PAQR5: variants seen among roughly 807,000 people sequenced by gnomAD.
PAQR5 encodes the protein progestin and adipoQ receptor family member 5.
A neutral mutation model predicts 34.5 loss-of-function variants in PAQR5; 20 were observed. That is an observed-to-expected ratio of 0.58 (90% CI 0.41 to 0.84). The LOEUF (loss-of-function observed/expected upper bound fraction) is 0.84. Among genes scored for constraint, PAQR5 ranks in the 40% least tolerant of loss-of-function variants. The pLI, the probability that PAQR5 is intolerant of heterozygous loss-of-function variation, is 0.00. For missense variants in PAQR5, 378 were observed against 412.7 expected (o/e 0.92, Z 0.73); for synonymous variants, 131 against 155.6 (o/e 0.84, Z 1.18).
At chr15:69,314,017 C>T (rs1029661306) in intron 1 of PAQR5, among the ~76,000 whole-genome samples, 1 of 152,060 alleles carries the variant, frequency 6.6e-6, no homozygotes, top group Non-Finnish European at 1.5e-5. Flanking sequence ...AACTGTTCTC[C>T]CAGATCAGGG....
At chr15:69,319,838 G>A (rs1045259218) in intron 1 of PAQR5, among the ~76,000 whole-genome samples, 11 of 152,306 alleles carry the variant, frequency 7.2e-5, no homozygotes, top group Non-Finnish European at 1.2e-4. Flanking sequence ...TGCTCTCAGC[G>A]GTTGCATGGC....
chr15:69,399,280 C>G (rs1034815961), intron 7 of PAQR5, among the ~76,000 whole-genome samples: 1 of 152,196 alleles, frequency 6.6e-6, no homozygotes, highest in African/African-American at 2.4e-5. Context: ...TGGGTTGGAA[C>G]TTTACATGGA....
rs376270251 is a variant in PAQR5 at position 69,385,622 on chromosome 15, T to TC, written c.385+740_385+741insC. On this transcript the variant is annotated intron_variant, in intron 5 of 8. Transcript: ENST00000395407. The surrounding 1 kb of genome is among the most constrained non-coding windows in gnomAD (Gnocchi z 4.7). Reference sequence around the variant, plus strand: ...GGGCATGCATCTATCCCTAAGGATATGAGTTCTAGATTCTTCCTCCAGGTC... The same window carrying TC: ...GGGCATGCATCTATCCCTAAGGATATCGAGTTCTAGATTCTTCCTCCAGGTC... Among the ~76,000 whole-genome samples, 503 of 152,266 alleles carry TC rather than the reference T, an allele frequency of 3.3e-3. 5 individuals are homozygous for TC. The highest frequency in any genetic ancestry group is 0.012 in the African/African-American group (480 of 41,528).
chr15:69,367,495 G>A (rs1286420475), intron 3 of PAQR5, among the ~76,000 whole-genome samples: 4 of 152,162 alleles, frequency 2.6e-5, no homozygotes, highest in Non-Finnish European at 5.9e-5. Flanking sequence ...TAAGTGGTCA[G>A]TGAGGGACTG....
intron 1 of PAQR5, among the ~76,000 whole-genome samples, chr15:69,311,166 T>G (rs1160992836): frequency 3.3e-5 from 5 of 151,708 alleles, no homozygotes; most frequent in Admixed American, 3.3e-4. Flanking sequence ...GACCAGGGCT[T>G]GTCCTTAGGC....
chr15:69,345,331 A>G (rs926649312), intron 2 of PAQR5, among the ~76,000 whole-genome samples: 9 of 152,198 alleles, frequency 5.9e-5, no homozygotes, highest in Non-Finnish European at 4.4e-5. Context: ...GGACTCTCTC[A>G]TTGGGAAAAT....
intron 6 of PAQR5, 50 bp downstream of exon 6, chr15:69,389,830 C>A: frequency 6.2e-7 from 1 of 1,602,092 alleles, no homozygotes. Flanking sequence ...GTCTTGCATG[C>A]AGCTCCCTGC....
intron 2 of PAQR5, among the ~76,000 whole-genome samples, chr15:69,337,794 T>G (rs2054544629): frequency 6.6e-6 from 1 of 152,074 alleles, no homozygotes; most frequent in South Asian, 2.1e-4. Context: ...CTATCATGAC[T>G]TGCTTTTAAA....
intron 1 of PAQR5, among the ~76,000 whole-genome samples, chr15:69,316,537 G>C (rs775212615): frequency 6.6e-6 from 1 of 151,132 alleles, no homozygotes; most frequent in African/African-American, 2.4e-5. Context: ...TACGATATTG[G>C]GTTAGCGGGA....
intron 1 of PAQR5, chr15:69,314,670 T>G (rs2053905188): frequency 6.6e-6 from 1 of 151,870 alleles, no homozygotes; most frequent in Non-Finnish European, 1.5e-5. Flanking sequence ...CTGGGCAGTG[T>G]GCTGGGGAGG....
chr15:69,396,433 C>T (rs181414799), intron 6 of PAQR5, among the ~76,000 whole-genome samples: 5 of 152,206 alleles, frequency 3.3e-5, no homozygotes, highest in Admixed American at 2.6e-4. Context: ...ATTGCCTTTA[C>T]AGACTGCATC....
chr15:69,390,344 A>AT (rs201375546), intron 6 of PAQR5, among the ~76,000 whole-genome samples: 19,044 of 118,918 alleles, frequency 0.16, 1,696 homozygotes, highest in Middle Eastern at 0.22. Context: ...TTATTTATTT[A>AT]TTTATTTATT....
chr15:69,365,397 C>T (rs139177454), intron 3 of PAQR5, among the ~76,000 whole-genome samples: 2,570 of 152,322 alleles, frequency 0.017, 26 homozygotes, highest in Middle Eastern at 0.034. Flanking sequence ...CGTGAGCCAC[C>T]GTGCCCAGCC....
intron 8 of PAQR5, among the ~76,000 whole-genome samples, chr15:69,402,891 T>C (rs1456168980): frequency 1.3e-5 from 2 of 152,212 alleles, no homozygotes; most frequent in African/African-American, 2.4e-5. Flanking sequence ...CACGTCCCTG[T>C]CCCTGTCACT....
At chr15:69,307,942 G>C (rs1237041141) in intron 1 of PAQR5, among the ~76,000 whole-genome samples, 1 of 152,240 alleles carries the variant, frequency 6.6e-6, no homozygotes, top group Non-Finnish European at 1.5e-5. Flanking sequence ...AAGATGAGGA[G>C]TGGATAAACT....
chr15:69,345,848 G>T (rs1465438627), intron 2 of PAQR5, among the ~76,000 whole-genome samples: 5 of 152,194 alleles, frequency 3.3e-5, no homozygotes, highest in African/African-American at 1.2e-4. Flanking sequence ...CGAGAAGGTT[G>T]CTTGATGCCA....
chr15:69,324,678 T>G (rs1203067313), intron 1 of PAQR5, among the ~76,000 whole-genome samples: 2 of 152,146 alleles, frequency 1.3e-5, no homozygotes. Flanking sequence ...CCCATTCATA[T>G]GCAGCGCACA....
At chr15:69,304,516 C>A (rs1044574657) in intron 1 of PAQR5, among the ~76,000 whole-genome samples, 1 of 152,178 alleles carries the variant, frequency 6.6e-6, no homozygotes, top group Non-Finnish European at 1.5e-5. Flanking sequence ...GAGCTACAAT[C>A]ATTTTTGGCA....
intron 8 of PAQR5, 129 bp downstream of exon 8, chr15:69,400,244 T>C (rs770307499): frequency 4.2e-5 from 38 of 912,272 alleles, no homozygotes; most frequent in Non-Finnish European, 6.2e-5. Flanking sequence ...GCGAGTAACA[T>C]TGCAAGTTGA....
Sources: gnomAD v4.1 joint callset for allele counts (sites outside exome capture counted in the v4.1 genomes callset) on GRCh38, gnomAD v4.1.1 for gene constraint, Gnocchi (gnomAD v3.1) non-coding constraint, MANE v1.5 for transcripts, NCBI Gene and HGNC (gene_info 2026-07-23, HGNC 2026-07-21) for gene names.